The following DLGAP3 variants were observed in gnomAD, a reference collection of about 807,000 sequenced individuals.
The protein encoded by DLGAP3 is DLG associated protein 3.
In DLGAP3, 17 loss-of-function variants were observed where a neutral mutation model predicts 81.2. The ratio of observed to expected loss-of-function variants is 0.21; its 90% confidence interval spans 0.14 to 0.31. The LOEUF is 0.31. Ranked by LOEUF, DLGAP3 falls within the 10% of genes least tolerant of loss-of-function variation. The pLI is 1.00. For missense variants in DLGAP3, 1,124 were observed against 1,388.0 expected (o/e 0.81, Z 3.02); for synonymous variants, 577 against 587.4 (o/e 0.98, Z 0.26).
intron 1 of DLGAP3, among the ~76,000 whole-genome samples, chr1:34,919,138 TGA>T (rs1557504447): frequency 6.6e-6 from 1 of 151,984 alleles, no homozygotes; most frequent in African/African-American, 2.4e-5. Flanking sequence ...CTAGCCCAGA[TGA>T]GAGAGGAGAG....
chr1:34,926,751 G>A (rs1419342404), intron 1 of DLGAP3, among the ~76,000 whole-genome samples: 1 of 152,060 alleles, frequency 6.6e-6, no homozygotes, highest in Non-Finnish European at 1.5e-5. Flanking sequence ...GTAAAATGGG[G>A]GTAATCCCTT....
At position 34,889,274 on chromosome 1, in the gene DLGAP3, C is replaced by T. The variant is rs568155401; in HGVS notation, c.1387-2989G>A. Among the ~76,000 whole-genome samples the T allele has an allele frequency of 3.9e-3, 597 of 152,324 alleles. 2 individuals carry two copies. Among genetic ancestry groups the T allele is most frequent in the Admixed American group, 7.7e-3 (118 of 15,300 alleles). On this transcript the variant is annotated intron_variant, in intron 5 of 11. Coordinates refer to ENST00000373347, the MANE Select transcript of DLGAP3 (RefSeq NM_001080418.3). ...GTGAACAACTCCCTGGGGTCATACA[C>T]CCGCCAGCTCAGCTGGCCAAGAGGA...
Position 34,905,284 on chromosome 1 carries a change from G to A in DLGAP3, c.100C>T (p.Leu34=). Residue 34 remains leucine, a synonymous_variant, in exon 3 of 12, where the codon CTG becomes TTG. Transcript: ENST00000373347. ...GAGAAGGCCTCCCTGGAGCCCAGCA[G>A]GTATGGGGCCCTGGCAGCAGGGCCC... ...DVGPAARAPY[L]LGSREAFSTE... is the part of the protein sequence containing the mutation. The A allele has an allele frequency of 6.3e-7, 1 of 1,577,450 alleles. No homozygotes were observed. The highest frequency in any genetic ancestry group is 1.2e-5 in the South Asian group (1 of 86,014).
chr1:34,885,180 T>A (rs756545615), intron 7 of DLGAP3, 117 bp from the exon 8 acceptor site: 48 of 1,029,936 alleles, frequency 4.7e-5, no homozygotes, highest in Non-Finnish European at 6.0e-5. Context: ...GCAAAGACCA[T>A]CTGCCTGAAC....
rs138429241 is a variant in DLGAP3 at position 34,913,321 on chromosome 1, C to T, written c.-134-5884G>A. On this transcript the variant is annotated intron_variant, in intron 1 of 11. Transcript: ENST00000373347. ...TAAATCCATCTCCTGACCCACTGGA[C>T]GGTGCTCGGCCTGTGAATAACCCAC... Among the ~76,000 whole-genome samples, 1,121 of 152,296 alleles carry T rather than the reference C, an allele frequency of 7.4e-3. 12 individuals carry two copies. Among genetic ancestry groups the T allele is most frequent in the African/African-American group, 0.025 (1,045 of 41,560 alleles).
chr1:34,904,138 G>A lies in DLGAP3; in HGVS notation c.1107+139C>T. ...CAAAGGAGCTCAGAGTGACCCAATG[G>A]GGCAGGGCAGAGCCTCCCTACACCC... On this transcript the variant is annotated intron_variant, in intron 3 of 11. Transcript: ENST00000373347. The surrounding 1 kb of genome is among the most constrained non-coding windows in gnomAD (Gnocchi z 8.1). 1 of 1,032,708 alleles carries A rather than the reference G, an allele frequency of 9.7e-7. No homozygotes were observed. Among genetic ancestry groups the A allele is most frequent in the Non-Finnish European group, 1.5e-6 (1 of 672,272 alleles). 64.0% of individuals were successfully genotyped at this position (1,032,708 alleles called of 1,614,324 possible). A position where few individuals can be genotyped will look rare whatever the true frequency, so the allele number is the denominator to read the frequency against.
chr1:34,925,981 CAAGCATGTTCTGATGCTTGG>C (rs1639866697), intron 1 of DLGAP3, among the ~76,000 whole-genome samples: 1 of 152,230 alleles, frequency 6.6e-6, no homozygotes, highest in African/African-American at 2.4e-5. Flanking sequence ...TATTCAGGCA[CAAGCATGTTCTGATGCTTGG>C]AAGCATGTTT....
chr1:34,871,106 C>T (rs1319189782), intron 8 of DLGAP3, among the ~76,000 whole-genome samples: 1 of 152,110 alleles, frequency 6.6e-6, no homozygotes, highest in African/African-American at 2.4e-5. Context: ...CTGGAATAGT[C>T]TTCCTAAAGC....
intron 1 of DLGAP3, among the ~76,000 whole-genome samples, chr1:34,918,376 C>T (rs185519891): frequency 4.1e-4 from 63 of 152,312 alleles, no homozygotes; most frequent in African/African-American, 1.5e-3. Context: ...AGGGGGTCTG[C>T]TCAATGCGGA....
At chr1:34,922,853 A>G (rs977549150) in intron 1 of DLGAP3, among the ~76,000 whole-genome samples, 1 of 152,052 alleles carries the variant, frequency 6.6e-6, no homozygotes, top group Non-Finnish European at 1.5e-5. Flanking sequence ...TCCTCTTGCT[A>G]GTCTCCCACT....
intron 1 of DLGAP3, among the ~76,000 whole-genome samples, chr1:34,914,698 C>T (rs1438583102): frequency 6.6e-6 from 1 of 152,210 alleles, no homozygotes; most frequent in East Asian, 1.9e-4. Flanking sequence ...AAGTATCTAG[C>T]ACAGTGCTAA....
rs954901073 is a variant in DLGAP3, at chr1:34,868,154, G to A, written c.2485+451C>T. Reference sequence around the variant, plus strand: ...TACAGGAAGGGCCATGCTCTCCCTCGGGCCAGGGCCACATCTCCCTGGCTG... The same window carrying A: ...TACAGGAAGGGCCATGCTCTCCCTCAGGCCAGGGCCACATCTCCCTGGCTG... On this transcript the variant is annotated intron_variant, in intron 9 of 11. Transcript: ENST00000373347. This position sits in a 1 kb window ranked among gnomAD's most constrained non-coding sequence, Gnocchi z 7.5. 2.6e-5 allele frequency among the ~76,000 whole-genome samples: 4 copies of A among 152,026 alleles called. No individual in the cohort carries two copies. The highest frequency in any genetic ancestry group is 2.1e-4 in the South Asian group (1 of 4,818).
At chr1:34,891,931 C>T (rs1429556437) in intron 5 of DLGAP3, among the ~76,000 whole-genome samples, 1 of 152,194 alleles carries the variant, frequency 6.6e-6, no homozygotes, top group Non-Finnish European at 1.5e-5. Flanking sequence ...AAGAGGAAAA[C>T]ATAATCTAGA....
At chr1:34,928,852 C>T (rs946295866) in intron 1 of DLGAP3, among the ~76,000 whole-genome samples, 4 of 151,886 alleles carry the variant, frequency 2.6e-5, no homozygotes, top group Admixed American at 6.5e-5. Flanking sequence ...ATGGGGACAA[C>T]ACACACTCAT....
At chr1:34,886,943 CT>C (rs949966445) in intron 5 of DLGAP3, among the ~76,000 whole-genome samples, 3,141 of 64,006 alleles carry the variant, frequency 0.049, 4 homozygotes, top group East Asian at 0.066. Flanking sequence ...CCCCCACCTT[CT>C]TTTTTTTTTT....
chr1:34,883,120 T>C (rs1325195084), intron 8 of DLGAP3, among the ~76,000 whole-genome samples: 2 of 152,338 alleles, frequency 1.3e-5, no homozygotes, highest in South Asian at 4.1e-4. Flanking sequence ...CACTACCTAT[T>C]ATATCATAAT....
intron 8 of DLGAP3, among the ~76,000 whole-genome samples, chr1:34,883,474 G>A (rs1284730664): frequency 6.6e-6 from 1 of 152,214 alleles, no homozygotes; most frequent in Non-Finnish European, 1.5e-5. Flanking sequence ...AGTGGGCTTG[G>A]TGGTCCATGG....
intron 1 of DLGAP3, among the ~76,000 whole-genome samples, chr1:34,908,923 G>C (rs1466143050): frequency 6.6e-6 from 1 of 152,224 alleles, no homozygotes; most frequent in East Asian, 1.9e-4. Context: ...GATCAAGATA[G>C]CCTCTCAAAT....
intron 3 of DLGAP3, among the ~76,000 whole-genome samples, chr1:34,901,723 T>A (rs1225245935): frequency 6.6e-6 from 1 of 152,208 alleles, no homozygotes; most frequent in East Asian, 1.9e-4. Flanking sequence ...TGCCAGGACA[T>A]GTCAATGACA....
Sources: gnomAD v4.1 joint callset for allele counts (sites outside exome capture counted in the v4.1 genomes callset) on GRCh38, gnomAD v4.1.1 for gene constraint, Gnocchi (gnomAD v3.1) non-coding constraint, MANE v1.5 for transcripts, NCBI Gene and HGNC (gene_info 2026-07-23, HGNC 2026-07-21) for gene names.